MMP16: variants seen among roughly 807,000 people sequenced by gnomAD.
MMP16 encodes the protein matrix metalloproteinase-16.
A neutral mutation model predicts 67.8 loss-of-function variants in MMP16; 12 were observed. That is an observed-to-expected ratio of 0.18 (90% CI 0.11 to 0.29). The LOEUF (loss-of-function observed/expected upper bound fraction) is 0.29. Ranked by LOEUF, MMP16 falls within the 10% of genes least tolerant of loss-of-function variation. MMP16 has a pLI of 1.00. For synonymous variants in MMP16, 249 were observed against 255.9 expected, an observed-to-expected ratio of 0.97 and a Z score of 0.26; for missense variants, 475 against 765.7, an observed-to-expected ratio of 0.62 and a Z score of 4.48.
intron 1 of MMP16, among the ~76,000 whole-genome samples, chr8:88,233,893 A>G (rs992535445): frequency 6.6e-6 from 1 of 152,230 alleles, no homozygotes; most frequent in African/African-American, 2.4e-5. Flanking sequence ...ATTATTTTAA[A>G]GGCTCCCAAA....
chr8:88,241,001 AT>A (rs1238122731), intron 1 of MMP16, among the ~76,000 whole-genome samples: 1 of 150,844 alleles, frequency 6.6e-6, no homozygotes, highest in African/African-American at 2.4e-5. Flanking sequence ...TTAAGCTATC[AT>A]TTTCTAACTT....
At chr8:88,101,951 C>G (rs982637464) in intron 6 of MMP16, among the ~76,000 whole-genome samples, 1 of 151,830 alleles carries the variant, frequency 6.6e-6, no homozygotes, top group African/African-American at 2.4e-5. Flanking sequence ...AACATCCAGT[C>G]TTGGCTTCCT....
chr8:88,033,698 GA>G lies in MMP16; in HGVS notation c.*7762del, dbSNP rs1243777833. On this transcript the variant is annotated 3_prime_UTR_variant, in exon 10 of 10. Transcript: ENST00000286614. ...AAAATCTTTCAAAACTTTTAAGCCT[GA>G]AACAAATTTTTATGGTCGAGTCTCT... 6.6e-6 allele frequency: 1 copy of G among 151,910 alleles called. No homozygotes were observed. Among genetic ancestry groups the G allele is most frequent in the Admixed American group, 6.6e-5 (1 of 15,222 alleles). The allele number at this position is 151,910 out of a possible 1,614,324, so 9.4% of individuals were successfully genotyped here.
intron 6 of MMP16, among the ~76,000 whole-genome samples, chr8:88,099,671 C>T (rs1296723269): frequency 6.6e-6 from 1 of 151,456 alleles, no homozygotes; most frequent in Non-Finnish European, 1.5e-5. Context: ...GATTTTTTCC[C>T]CTGTAATATG....
intron 6 of MMP16, among the ~76,000 whole-genome samples, chr8:88,105,460 C>T (rs1430814675): frequency 1.3e-5 from 2 of 151,462 alleles, no homozygotes; most frequent in Non-Finnish European, 3.0e-5. Flanking sequence ...ATACTATCTA[C>T]AGTTTCTTTA....
chr8:88,165,265 A>T (rs1329647469), intron 4 of MMP16, among the ~76,000 whole-genome samples: 1 of 151,250 alleles, frequency 6.6e-6, no homozygotes, highest in African/African-American at 2.4e-5. Flanking sequence ...TTCTTCATGG[A>T]GGACTTCAAT....
At chr8:88,271,484 T>C (rs1266324926) in intron 1 of MMP16, among the ~76,000 whole-genome samples, 2 of 152,180 alleles carry the variant, frequency 1.3e-5, no homozygotes, top group East Asian at 1.9e-4. Flanking sequence ...ATTTGGATTT[T>C]ATTTTATTTA....
chr8:88,314,832 G>A (rs1390666684), intron 1 of MMP16, among the ~76,000 whole-genome samples: 1 of 152,134 alleles, frequency 6.6e-6, no homozygotes, highest in Non-Finnish European at 1.5e-5. Context: ...GCAGATCTCT[G>A]GTGTTTTTGC....
At chr8:88,089,231 A>C (rs1014459833) in intron 6 of MMP16, among the ~76,000 whole-genome samples, 2 of 152,156 alleles carry the variant, frequency 1.3e-5, no homozygotes, top group Middle Eastern at 3.4e-3. Context: ...GATGAAGTTG[A>C]CTGGGCTTTC....
chr8:88,071,659 G>C (rs1441328090), intron 7 of MMP16, among the ~76,000 whole-genome samples: 1 of 152,094 alleles, frequency 6.6e-6, no homozygotes, highest in African/African-American at 2.4e-5. Context: ...ACTTGTACAT[G>C]GCTATAAGTA....
intron 1 of MMP16, among the ~76,000 whole-genome samples, chr8:88,311,860 T>C (rs1811299958): frequency 6.6e-6 from 1 of 152,108 alleles, no homozygotes; most frequent in South Asian, 2.1e-4. Context: ...TAATATAACA[T>C]GTCAAGACCA....
chr8:88,100,897 T>C (rs1051389234), intron 6 of MMP16, among the ~76,000 whole-genome samples: 4 of 150,160 alleles, frequency 2.7e-5, no homozygotes, highest in African/African-American at 9.8e-5. Flanking sequence ...AAACACCGCA[T>C]GTTCTCACTC....
At chr8:88,216,956 T>C (rs1809604434) in intron 1 of MMP16, among the ~76,000 whole-genome samples, 2 of 152,232 alleles carry the variant, frequency 1.3e-5, no homozygotes, top group South Asian at 4.1e-4. Flanking sequence ...TATATTTATA[T>C]ATATGTGGAC....
At chr8:88,207,896 A>C (rs1451961617) in intron 1 of MMP16, among the ~76,000 whole-genome samples, 2 of 152,192 alleles carry the variant, frequency 1.3e-5, no homozygotes, top group African/African-American at 4.8e-5. Context: ...AACTGAAGTC[A>C]TTACATGCCA....
chr8:88,156,802 G>C (rs961233007), intron 4 of MMP16, among the ~76,000 whole-genome samples: 5 of 151,556 alleles, frequency 3.3e-5, no homozygotes, highest in African/African-American at 1.2e-4. Flanking sequence ...TAGATTTAAA[G>C]ACAAAAACAA....
chr8:88,122,786 T>C (rs1396784254), intron 4 of MMP16, among the ~76,000 whole-genome samples: 1 of 151,356 alleles, frequency 6.6e-6, no homozygotes, highest in African/African-American at 2.4e-5. Context: ...ACTCACATTG[T>C]ATCAGGGTTT....
At chr8:88,196,534 T>C (rs894914561) in intron 2 of MMP16, among the ~76,000 whole-genome samples, 3 of 152,152 alleles carry the variant, frequency 2.0e-5, no homozygotes, top group Non-Finnish European at 4.4e-5. Flanking sequence ...AAGTGAATGA[T>C]TGATGAACCA....
At chr8:88,071,673 G>C (rs1808557551) in intron 7 of MMP16, among the ~76,000 whole-genome samples, 1 of 152,154 alleles carries the variant, frequency 6.6e-6, no homozygotes, top group Non-Finnish European at 1.5e-5. Context: ...ATAAGTACAG[G>C]TTGGGGCTTG....
At chr8:88,209,554 G>C (rs891182836) in intron 1 of MMP16, among the ~76,000 whole-genome samples, 5 of 151,994 alleles carry the variant, frequency 3.3e-5, no homozygotes, top group Non-Finnish European at 5.9e-5. Context: ...ACTACATGGG[G>C]ATCTGTGTCC....
Sources: gnomAD v4.1 joint callset for allele counts (sites outside exome capture counted in the v4.1 genomes callset) on GRCh38, gnomAD v4.1.1 for gene constraint, MANE v1.5 for transcripts, NCBI Gene and HGNC (gene_info 2026-07-23, HGNC 2026-07-21) for gene names.